COL13A1: variants seen among roughly 807,000 people sequenced by gnomAD.
The protein encoded by COL13A1 is collagen alpha-1(XIII) chain.
COL13A1 carries 89 observed loss-of-function variants against 130.9 expected under a neutral mutation model. The ratio of observed to expected loss-of-function variants is 0.68; its 90% CI spans 0.57 to 0.81. The LOEUF (loss-of-function observed/expected upper bound fraction) is 0.81. Ranked by LOEUF, COL13A1 falls within the 30% of genes least tolerant of loss-of-function variation. The pLI is 0.00. For missense variants in COL13A1, 879 were observed against 934.6 expected, an observed-to-expected ratio of 0.94 and a Z score of 0.78; for synonymous variants, 402 against 341.6, an observed-to-expected ratio of 1.18 and a Z score of -1.95.
chr10:69,928,696 G>A (rs561212668), intron 27 of COL13A1, among the ~76,000 whole-genome samples: 30 of 152,300 alleles, frequency 2.0e-4, no homozygotes, highest in African/African-American at 7.2e-4. Flanking sequence ...GAGAAGGAGA[G>A]GGTATTGGAC....
At chr10:69,810,376 G>GAGAGAGGGAGACACAGAGAC (rs1230051691) in intron 1 of COL13A1, among the ~76,000 whole-genome samples, 1 of 133,818 alleles carries the variant, frequency 7.5e-6, no homozygotes, top group African/African-American at 2.9e-5. Flanking sequence ...GAGAGAGAGA[G>GAGAGAGGGAGACACAGAGAC]AGAGACAGAG....
chr10:69,923,068 C>T (rs994865889), intron 23 of COL13A1, among the ~76,000 whole-genome samples: 7 of 152,170 alleles, frequency 4.6e-5, no homozygotes, highest in African/African-American at 7.2e-5. Context: ...TGAGTCAGGG[C>T]GCAATGGCTG....
chr10:69,819,749 G>A (rs572636902), intron 1 of COL13A1, among the ~76,000 whole-genome samples: 1 of 152,168 alleles, frequency 6.6e-6, no homozygotes, highest in Admixed American at 6.5e-5. Context: ...ATGAGCTGTG[G>A]TGCTTTATGG....
At chr10:69,917,785 T>C (rs186268877) in intron 18 of COL13A1, among the ~76,000 whole-genome samples, 1 of 152,000 alleles carries the variant, frequency 6.6e-6, no homozygotes, top group Non-Finnish European at 1.5e-5. Flanking sequence ...TGCACAGAGC[T>C]GACTGTGAGG....
intron 14 of COL13A1, among the ~76,000 whole-genome samples, chr10:69,900,405 C>T (rs1229854844): frequency 6.6e-6 from 1 of 152,222 alleles, no homozygotes; most frequent in Admixed American, 6.5e-5. Context: ...ATCCAGGCCA[C>T]TGCATGTTAC....
chr10:69,838,133 C>T (rs1850589688), intron 2 of COL13A1, among the ~76,000 whole-genome samples: 1 of 152,240 alleles, frequency 6.6e-6, no homozygotes, highest in Admixed American at 6.5e-5. Context: ...CAGGCAGCCC[C>T]CTCCTCAAGG....
chr10:69,884,910 A>T (rs1360480373), intron 7 of COL13A1, among the ~76,000 whole-genome samples: 2 of 152,264 alleles, frequency 1.3e-5, no homozygotes, highest in African/African-American at 2.4e-5. Flanking sequence ...TCAAGGCTTC[A>T]TTTCACAATA....
At chr10:69,882,871 G>T (rs2060278962) in intron 7 of COL13A1, among the ~76,000 whole-genome samples, 1 of 152,162 alleles carries the variant, frequency 6.6e-6, no homozygotes, top group Admixed American at 6.5e-5. Context: ...CTACAGCACG[G>T]GCAGCCCCCT....
chr10:69,897,566 C>G, intron 13 of COL13A1: 3 of 1,606,366 alleles, frequency 1.9e-6, no homozygotes, highest in Non-Finnish European at 2.6e-6. Context: ...GGGCCCCTCT[C>G]CACTGAGAGG....
At chr10:69,894,824 C>T (rs1227619125) in intron 12 of COL13A1, 123 bp downstream of exon 12, 28 of 1,293,334 alleles carry the variant, frequency 2.2e-5, no homozygotes, top group Middle Eastern at 4.7e-4. Flanking sequence ...GGAAAGCCCC[C>T]GAGGTGCCGC....
At chr10:69,870,770 G>A (rs75569435) in intron 3 of COL13A1, among the ~76,000 whole-genome samples, 2,103 of 152,032 alleles carry the variant, frequency 0.014, 40 homozygotes, top group African/African-American at 0.049. Flanking sequence ...AAGGGAATCC[G>A]GAGCCATGGC....
intron 7 of COL13A1, among the ~76,000 whole-genome samples, chr10:69,886,164 G>A (rs2060580836): frequency 6.6e-6 from 1 of 152,138 alleles, no homozygotes. Flanking sequence ...AAGACATATT[G>A]GGCTCAAAAG....
chr10:69,914,890 G>A (rs565750188), intron 17 of COL13A1, among the ~76,000 whole-genome samples: 71 of 152,302 alleles, frequency 4.7e-4, no homozygotes, highest in African/African-American at 1.6e-3. Flanking sequence ...GGCATCCTGC[G>A]CTGAGCGGCC....
intron 2 of COL13A1, 147 bp downstream of exon 2, chr10:69,822,585 C>G (rs1032114792): frequency 3.5e-6 from 2 of 568,420 alleles, no homozygotes; most frequent in African/African-American, 3.9e-5. Context: ...GGTTGCCTTC[C>G]ATCTGCTCAC....
At chr10:69,880,643 G>T in intron 7 of COL13A1, 90 bp downstream of exon 7, 1 of 1,384,218 alleles carries the variant, frequency 7.2e-7, no homozygotes, top group Non-Finnish European at 1.0e-6. Context: ...GGACAGCGAG[G>T]GCGGCTGTGC....
At chr10:69,921,741 GC>G in intron 21 of COL13A1, 140 bp from the exon 22 acceptor site, 1 of 1,044,496 alleles carries the variant, frequency 9.6e-7, no homozygotes. Flanking sequence ...AGGAAGTGGA[GC>G]CCTTCAGAAA....
intron 17 of COL13A1, among the ~76,000 whole-genome samples, chr10:69,908,065 C>T (rs2062975995): frequency 6.6e-6 from 1 of 152,172 alleles, no homozygotes; most frequent in African/African-American, 2.4e-5. Context: ...TCCCATGGTA[C>T]CACCTGCTGT....
chr10:69,948,735 G>A (rs563726870), intron 38 of COL13A1, among the ~76,000 whole-genome samples: 19 of 152,256 alleles, frequency 1.2e-4, no homozygotes, highest in Non-Finnish European at 2.1e-4. Flanking sequence ...ACACTGAGCC[G>A]TTTGAAGGCT....
chr10:69,880,687 T>C (rs930833190), intron 7 of COL13A1, 134 bp downstream of exon 7: 62 of 909,674 alleles, frequency 6.8e-5, no homozygotes, highest in South Asian at 1.6e-4. Flanking sequence ...TGTGATGTGG[T>C]CAGCCCAGCC....
Sources: allele counts gnomAD v4.1 joint callset (sites outside exome capture counted in the v4.1 genomes callset), GRCh38; gene constraint gnomAD v4.1.1; transcripts MANE v1.5; gene names NCBI Gene and HGNC (gene_info 2026-07-23, HGNC 2026-07-21).